Variants in HSF4 observed in about 807,000 individuals in gnomAD.
The protein encoded by HSF4 is heat shock transcription factor 4, also known as heat shock factor protein 4.
HSF4 carries 41 observed loss-of-function variants against 52.0 expected under a neutral mutation model. The observed-to-expected ratio is 0.79, with a 90% confidence interval of 0.61 to 1.02. HSF4 has a LOEUF of 1.02. HSF4 is among the 50% of genes least tolerant of loss of function. The probability of loss-of-function intolerance (pLI) is 0.00; values close to 1 mark genes in which losing one functional copy is unlikely to be tolerated. For missense variants in HSF4, 610 were observed against 651.1 expected, an observed-to-expected ratio of 0.94 and a Z score of 0.69; for synonymous variants, 285 against 273.0, an observed-to-expected ratio of 1.04 and a Z score of -0.43.
In HSF4 at chr16:67,167,764, G is replaced by C. The variant is rs750765088; in HGVS notation, c.899G>C (p.Gly300Ala). ...CTCAAAGAAGAGCCGGCCAGTCCAGGGGGGGATGGCGAGGCCGGGCTGGCC... is the reference window on the plus strand; with the variant it reads ...CTCAAAGAAGAGCCGGCCAGTCCAGCGGGGGATGGCGAGGCCGGGCTGGCC... ...ALLKEEPASP[G>A]GDGEAGLALA... The change falls in exon 9 of 13, where the codon GGG (glycine) becomes GCG (alanine). Residue 300 changes from glycine (G) to alanine (A), a missense_variant. Gly to Ala is a moderately conservative substitution (Grantham distance 60). Transcript: ENST00000521374. 4.4e-6 allele frequency: 7 copies of C among 1,605,642 alleles called. No homozygotes were observed. The highest frequency in any genetic ancestry group is 1.7e-4 in the Middle Eastern group (1 of 6,048).
At position 67,169,372 on chromosome 16, in the gene HSF4, CTGGG is replaced by C. The variant is rs2031575720; in HGVS notation, c.1324+25_1324+28del. The C allele has an allele frequency of 6.2e-7, 1 of 1,607,726 alleles. No individual in the cohort carries two copies. Among genetic ancestry groups the C allele is most frequent in the Non-Finnish European group, 8.5e-7 (1 of 1,177,126 alleles). On this transcript the variant is annotated intron_variant, in intron 12 of 12. Transcript: ENST00000521374. The surrounding 1 kb of genome is among the most constrained non-coding windows in gnomAD (Gnocchi z 4.3). ...AGGTAATGGTTGTGATGACTCCTAC[CTGGG>C]AGGACGCCGTGATTGGGCTGAGCTA...
chr16:67,166,040 G>A lies in HSF4; in HGVS notation c.455G>A (p.Ser152Asn), dbSNP rs1321792912. The A allele has an allele frequency of 1.3e-6, 2 of 1,512,262 alleles. No homozygotes were observed. The highest frequency in any genetic ancestry group is 4.0e-5 in the Admixed American group (2 of 50,370). 93.7% of individuals were successfully genotyped at this position (1,512,262 alleles called of 1,614,324 possible). The change falls in exon 4 of 13, where the codon AGC (serine) becomes AAC (asparagine). Residue 152 changes from serine (S) to asparagine (N), a missense_variant. Coordinates refer to ENST00000521374, the MANE Select transcript of HSF4 (RefSeq NM_001374675.1). Reference protein sequence around the residue: ...EVQALRGVQESTEARLRELRQ... With the variant: ...EVQALRGVQENTEARLRELRQ... ...CAGGCTTTGCGGGGAGTGCAGGAGA[G>A]CACCGAGGCGCGGCTGCGGGAGCTC...
In HSF4 at chr16:67,167,704, C is replaced by G. The variant is rs776388767; in HGVS notation, c.855-16C>G. 1 of 1,611,652 alleles carries G rather than the reference C, an allele frequency of 6.2e-7. No homozygotes were observed. On this transcript the variant is annotated splice_polypyrimidine_tract_variant and intron_variant, in intron 8 of 12. Transcript: ENST00000521374. ...AGTCAGTGCCAGGGTCTGGTTGAAG[C>G]TTTTCTCTGGTGCAGGGAGAAGGGC...
At chr16:67,168,762 G>A in intron 9 of HSF4, 69 bp from the exon 10 acceptor site, 1 of 1,122,936 alleles carries the variant, frequency 8.9e-7, no homozygotes, top group South Asian at 1.2e-5. Context: ...AAATCTTGAT[G>A]CATCTGGGTT....
At chr16:67,164,358 G>A (rs991355006), upstream of HSF4, 2 of 394,992 alleles carry the variant, frequency 5.1e-6, no homozygotes, top group African/African-American at 2.1e-5. Context: ...GGTTCGGCGG[G>A]AGGGGGCGTG....
chr16:67,169,682 T>C lies in HSF4; in HGVS notation c.1376T>C (p.Leu459Ser). Residue 459 changes from leucine (L) to serine (S), a missense_variant, in exon 13 of 13, where the codon TTG becomes TCG. Physicochemically the swap from Leu to Ser is moderately radical, Grantham distance 145. Coordinates refer to ENST00000521374, the MANE Select transcript of HSF4 (RefSeq NM_001374675.1). The surrounding 1 kb of genome is among the most constrained non-coding windows in gnomAD (Gnocchi z 4.3). Reference sequence around the variant, plus strand: ...CTCCTGCTGGATGTCCAGGCGGCCTTGGGAGGCCCAGCCCTGGGCCTGCCT... The same window carrying C: ...CTCCTGCTGGATGTCCAGGCGGCCTCGGGAGGCCCAGCCCTGGGCCTGCCT... ...APLLLDVQAALGGPALGLPGA... is the reference protein window; with the variant it reads ...APLLLDVQAASGGPALGLPGA... 1 of 1,612,468 alleles carries C rather than the reference T, an allele frequency of 6.2e-7. No individual in the cohort carries two copies. Among genetic ancestry groups the C allele is most frequent in the Non-Finnish European group, 8.5e-7 (1 of 1,179,952 alleles).
Position 67,165,773 on chromosome 16 carries a change from G to A in HSF4, c.287G>A (p.Arg96His). ...IEQGGLLRPE[R>H]DHVEFQHPSF... is the part of the protein sequence containing the mutation. ...CAGGGCGGCCTGCTTAGGCCGGAGC[G>A]CGACCACGTCGAGTTCCAGCACCCG... is the stretch of plus-strand genomic sequence containing the variant. Residue 96 changes from arginine (R) to histidine (H), a missense_variant, in exon 3 of 13, where the codon CGC (arginine) becomes CAC (histidine). Transcript: ENST00000521374. The surrounding 1 kb of genome is among the most constrained non-coding windows in gnomAD (Gnocchi z 6.9). The A allele has an allele frequency of 6.2e-7, 1 of 1,610,444 alleles. No individual in the cohort carries two copies. Among genetic ancestry groups the A allele is most frequent in the Middle Eastern group, 1.7e-4 (1 of 6,060 alleles).
At position 67,169,246 on chromosome 16, in the gene HSF4, C is replaced by G; in HGVS notation, c.1255-33C>G. The G allele has an allele frequency of 1.2e-6, 2 of 1,612,394 alleles. No individual in the cohort carries two copies. The highest frequency in any genetic ancestry group is 1.7e-6 in the Non-Finnish European group (2 of 1,179,682). ...GCTGTCCCCCTCAGCTGCTAGGTCCCCTCCCCAGCTGCTCCCTGCGGTTCT... is the reference window on the plus strand; with the variant it reads ...GCTGTCCCCCTCAGCTGCTAGGTCCGCTCCCCAGCTGCTCCCTGCGGTTCT... On this transcript the variant is annotated intron_variant, in intron 11 of 12. Transcript: ENST00000521374. The surrounding 1 kb of genome is among the most constrained non-coding windows in gnomAD (Gnocchi z 4.3).
upstream of HSF4, chr16:67,164,472 G>C (rs760291478): frequency 7.5e-6 from 4 of 534,172 alleles, no homozygotes; most frequent in Non-Finnish European, 3.6e-6. Flanking sequence ...GTCGCGCACC[G>C]GCGATTTCTC....
chr16:67,167,032 G>T, intron 6 of HSF4, 88 bp from the exon 7 acceptor site: 2 of 1,581,314 alleles, frequency 1.3e-6, no homozygotes, highest in Non-Finnish European at 1.7e-6. Context: ...TTGGCTGCTG[G>T]GGCCTGAGGG....
intron 4 of HSF4, 104 bp from the exon 5 acceptor site, chr16:67,166,216 C>T (rs1231600867): frequency 1.4e-6 from 2 of 1,383,418 alleles, no homozygotes; most frequent in Non-Finnish European, 2.0e-6. Flanking sequence ...CTGGGATGGC[C>T]AGTCAGCGGG....
At position 67,165,951 on chromosome 16, in the gene HSF4, C is replaced by G. The variant is rs1017511026; in HGVS notation, c.366C>G (p.Pro122=). 6.4e-7 allele frequency: 1 copy of G among 1,573,086 alleles called. No individual in the cohort carries two copies. The highest frequency in any genetic ancestry group is 8.6e-7 in the Non-Finnish European group (1 of 1,168,166). Residue 122 remains proline, a synonymous_variant, in exon 4 of 13, where the codon CCC becomes CCG. Transcript: ENST00000521374. This position sits in a 1 kb window ranked among gnomAD's most constrained non-coding sequence, Gnocchi z 6.9. ...QLLERVRRKV[P]ALRGDDGRWR... is the part of the protein sequence containing the mutation. ...ACGGTGCCTCCCGCCTGCAGGTGCC[C>G]GCGCTGCGCGGCGACGACGGCCGCT...
upstream of HSF4, chr16:67,164,573 A>ACCCCC (rs2031097302): frequency 6.0e-6 from 1 of 167,500 alleles, no homozygotes; most frequent in African/African-American, 7.6e-5. Context: ...ACCCCACTCC[A>ACCCCC]CCCCACCCCA....
At position 67,169,695 on chromosome 16, in the gene HSF4, CCTGGGCCTGCCTGG is replaced by C. The variant is rs1322025319; in HGVS notation, c.1390_1403del (p.Leu464GlyfsTer6). On this transcript the variant is annotated frameshift_variant, in exon 13 of 13. Coordinates refer to ENST00000521374, the MANE Select transcript of HSF4 (RefSeq NM_001374675.1). LOFTEE classifies it high-confidence loss of function. This position sits in a 1 kb window ranked among gnomAD's most constrained non-coding sequence, Gnocchi z 4.3. ...TCCAGGCGGCCTTGGGAGGCCCAGCCCTGGGCCTGCCTGGGGCTTTAACCATTTATAGCACTCCT... is the reference window on the plus strand; with the variant it reads ...TCCAGGCGGCCTTGGGAGGCCCAGCCGGCTTTAACCATTTATAGCACTCCT... 1.9e-6 allele frequency: 3 copies of C among 1,612,700 alleles called. No individual in the cohort carries two copies. The highest frequency in any genetic ancestry group is 1.3e-5 in the African/African-American group (1 of 75,024).
At chr16:67,168,789 C>A (rs367665548) in intron 9 of HSF4, 42 bp from the exon 10 acceptor site, 8 of 1,460,060 alleles carry the variant, frequency 5.5e-6, no homozygotes, top group Non-Finnish European at 5.8e-6. Flanking sequence ...GAACTTAATG[C>A]GGGGTGGACA....
chr16:67,164,111 G>C, upstream of HSF4: 1 of 676,750 alleles, frequency 1.5e-6, no homozygotes, highest in Non-Finnish European at 2.7e-6. Context: ...GGCGCAGGGA[G>C]AGGGAGGGCA....
chr16:67,167,301 AG>A, intron 7 of HSF4, 79 bp downstream of exon 7: 1 of 1,610,194 alleles, frequency 6.2e-7, no homozygotes, highest in Non-Finnish European at 8.5e-7. Context: ...ATCCCCTAAA[AG>A]GAAGAGAAGA....
Position 67,165,023 on chromosome 16 carries a change from A to T in HSF4, c.123+89A>T, listed in dbSNP as rs2031141504. 37 of 1,361,458 alleles carry T rather than the reference A, an allele frequency of 2.7e-5. No homozygotes were observed. The highest frequency in any genetic ancestry group is 3.4e-5 in the Non-Finnish European group (35 of 1,016,752). 84.3% of individuals were successfully genotyped at this position (1,361,458 alleles called of 1,614,324 possible). On this transcript the variant is annotated intron_variant, in intron 1 of 12. Transcript: ENST00000521374. The surrounding 1 kb of genome is among the most constrained non-coding windows in gnomAD (Gnocchi z 6.9). The stretch of plus-strand genomic sequence containing the variant: ...CATGCCCGCCCAACCCCCTCCTGAG[A>T]CTGGGCCGTGGATCCCCGGATTTGG...
chr16:67,169,081 T>G lies in HSF4; in HGVS notation c.1234T>G (p.Leu412Val). Reference protein sequence around the residue: ...LQGREWTLMDLDMELSLMQPL... With the variant: ...LQGREWTLMDVDMELSLMQPL... ...AGGGCGAGAATGGACCCTGATGGAC[T>G]TGGACATGGAGCTGTCCTTGGTAAG... The change falls in exon 11 of 13, where the codon TTG becomes GTG. Residue 412 changes from leucine to valine, a missense_variant. Leu to Val is a conservative substitution (Grantham distance 32, BLOSUM62 1). Coordinates refer to ENST00000521374, the MANE Select transcript of HSF4 (RefSeq NM_001374675.1). The surrounding 1 kb of genome is among the most constrained non-coding windows in gnomAD (Gnocchi z 4.3). The G allele has an allele frequency of 6.2e-7, 1 of 1,613,484 alleles. No individual in the cohort carries two copies. The highest frequency in any genetic ancestry group is 8.5e-7 in the Non-Finnish European group (1 of 1,180,012).
Sources: gnomAD v4.1 joint callset for allele counts on GRCh38, gnomAD v4.1.1 for gene constraint, Gnocchi (gnomAD v3.1) non-coding constraint, MANE v1.5 for transcripts, NCBI Gene and HGNC (gene_info 2026-07-23, HGNC 2026-07-21) for gene names.